Variants in FAAH2 observed in about 807,000 individuals in gnomAD.
The protein encoded by FAAH2 is fatty-acid amide hydrolase 2.
Under a neutral mutation model 36.9 loss-of-function variants are expected in FAAH2, and 60 were observed. The ratio of observed to expected loss-of-function variants is 1.63; its 90% CI spans 1.32 to 2.02. The LOEUF is 2.02. Among genes scored for constraint, FAAH2 ranks in the 30% most tolerant of loss-of-function variants. FAAH2 has a pLI of 0.00. For missense variants in FAAH2, 689 were observed against 397.5 expected (o/e 1.73, Z -6.23); for synonymous variants, 214 against 143.8 (o/e 1.49, Z -3.49).
At chrX:57,292,393 T>G (rs2052010917) in intron 1 of FAAH2, 105 bp from the exon 2 acceptor site, 4 of 688,872 alleles carry the variant, frequency 5.8e-6, no homozygotes, top group African/African-American at 2.2e-5. Flanking sequence ...TCACTGAAAG[T>G]GTCTCAAAAA....
the FAAH2 span, among the ~76,000 whole-genome samples, chrX:57,224,753 G>A: frequency 4.2e-4 from 47 of 112,219 alleles, 1 homozygote; most frequent in Non-Finnish European, 5.6e-4. Context: ...CGCCATTTTA[G>A]GCCTCAGCCC....
At chrX:57,149,762 A>G in the FAAH2 span, among the ~76,000 whole-genome samples, 1 of 110,298 alleles carries the variant, frequency 9.1e-6, no homozygotes, top group Admixed American at 9.7e-5. Flanking sequence ...TATTTGCTTC[A>G]GTTCTGCTCT....
At chrX:57,331,882 A>T in intron 4 of FAAH2, 75 bp downstream of exon 4, 1 of 1,006,759 alleles carries the variant, frequency 9.9e-7, no homozygotes, top group Admixed American at 2.3e-5. Context: ...AATAAACATG[A>T]TACAGTATAG....
intron 5 of FAAH2, among the ~76,000 whole-genome samples, chrX:57,360,284 T>A (rs1454115873): frequency 9.0e-6 from 1 of 111,184 alleles, no homozygotes; most frequent in Non-Finnish European, 1.9e-5. Flanking sequence ...CCCTTTTACT[T>A]TTTTATGGGT....
chrX:57,367,779 A>G (rs2054454262), intron 5 of FAAH2, among the ~76,000 whole-genome samples: 1 of 112,039 alleles, frequency 8.9e-6, no homozygotes. Flanking sequence ...TCTTAAGATC[A>G]TGGATGTCTG....
chrX:57,216,528 A>G, the FAAH2 span, among the ~76,000 whole-genome samples: 23 of 37,906 alleles, frequency 6.1e-4, no homozygotes, highest in Non-Finnish European at 8.1e-4. Flanking sequence ...ACGTATATGT[A>G]TATATATATA....
chrX:57,453,364 C>G (rs1338891560), intron 10 of FAAH2, among the ~76,000 whole-genome samples: 1 of 112,849 alleles, frequency 8.9e-6, no homozygotes, highest in Non-Finnish European at 1.9e-5. Context: ...ACAATGCCCA[C>G]CTCTGCCACT....
chrX:57,454,654 A>T (rs1426185475), intron 10 of FAAH2, among the ~76,000 whole-genome samples: 2 of 112,246 alleles, frequency 1.8e-5, no homozygotes, highest in African/African-American at 6.5e-5. Flanking sequence ...AGATCTCCAC[A>T]ATAGAATCTG....
intron 5 of FAAH2, among the ~76,000 whole-genome samples, chrX:57,343,304 A>G (rs1402309969): frequency 9.0e-6 from 1 of 111,665 alleles, no homozygotes; most frequent in Non-Finnish European, 1.9e-5. Context: ...TTTTTCAATG[A>G]TTGCCATTCT....
intron 8 of FAAH2, among the ~76,000 whole-genome samples, chrX:57,437,763 T>C (rs971096667): frequency 1.9e-5 from 2 of 103,094 alleles, no homozygotes; most frequent in Admixed American, 2.2e-4. Context: ...TATATTTATA[T>C]TGAAATATAA....
intron 7 of FAAH2, among the ~76,000 whole-genome samples, chrX:57,410,190 T>C (rs1331460946): frequency 2.7e-5 from 3 of 111,560 alleles, no homozygotes; most frequent in South Asian, 3.7e-4. Context: ...TTTTCTAAAT[T>C]GATTTTTAGT....
chrX:57,342,468 A>G (rs1299378258), intron 5 of FAAH2, among the ~76,000 whole-genome samples: 3 of 111,329 alleles, frequency 2.7e-5, no homozygotes, highest in Non-Finnish European at 3.8e-5. Flanking sequence ...ACAAACCCCC[A>G]TGACACGTTT....
intron 3 of FAAH2, among the ~76,000 whole-genome samples, chrX:57,324,146 T>G (rs1319080849): frequency 1.8e-5 from 2 of 111,522 alleles, no homozygotes; most frequent in Admixed American, 9.5e-5. Context: ...AGATCATATG[T>G]TTGTAGATAT....
intron 3 of FAAH2, among the ~76,000 whole-genome samples, chrX:57,319,803 G>T: frequency 8.9e-6 from 1 of 112,039 alleles, no homozygotes. Flanking sequence ...AAACAGCATA[G>T]TAGTGGAACC....
At chrX:57,432,627 G>C (rs192724256) in intron 8 of FAAH2, among the ~76,000 whole-genome samples, 2 of 111,441 alleles carry the variant, frequency 1.8e-5, no homozygotes, top group East Asian at 5.6e-4. Context: ...CTTATGCCAG[G>C]TTTTTTCAGG....
intron 10 of FAAH2, among the ~76,000 whole-genome samples, chrX:57,466,073 A>C (rs754043539): frequency 2.8e-5 from 3 of 105,911 alleles, no homozygotes; most frequent in Non-Finnish European, 3.9e-5. Context: ...CGCACACATA[A>C]AAACACATAC....
At chrX:57,197,321 A>T in the FAAH2 span, among the ~76,000 whole-genome samples, 5 of 111,477 alleles carry the variant, frequency 4.5e-5, no homozygotes, top group Admixed American at 4.8e-4. Flanking sequence ...CCTTTCTGTG[A>T]TGCCTCATTG....
chrX:57,439,409 A>G (rs2056493749), intron 8 of FAAH2, among the ~76,000 whole-genome samples: 1 of 111,224 alleles, frequency 9.0e-6, no homozygotes, highest in Non-Finnish European at 1.9e-5. Flanking sequence ...TCTTTTGAGA[A>G]GTGTCTGTTC....
the FAAH2 span, among the ~76,000 whole-genome samples, chrX:57,184,526 C>T: frequency 8.9e-6 from 1 of 112,120 alleles, no homozygotes; most frequent in Admixed American, 9.4e-5. Context: ...GGTGGGTTCC[C>T]CCAATAAAGA....
Sources: gnomAD v4.1 joint callset for allele counts (sites outside exome capture counted in the v4.1 genomes callset) on GRCh38, gnomAD v4.1.1 for gene constraint, MANE v1.5 for transcripts, NCBI Gene and HGNC (gene_info 2026-07-23, HGNC 2026-07-21) for gene names.